MIS18BP1: variants seen among roughly 807,000 people sequenced by gnomAD.
The protein encoded by MIS18BP1 is mis18-binding protein 1.
In MIS18BP1, 72 loss-of-function variants were observed where a neutral mutation model predicts 116.1. That is an observed-to-expected ratio of 0.62 (90% CI 0.51 to 0.75). The LOEUF is 0.75. Among genes scored for constraint, MIS18BP1 ranks in the 30% least tolerant of loss-of-function variants. MIS18BP1 has a pLI of 0.00. For missense variants in MIS18BP1, 1,363 were observed against 1,303.2 expected (o/e 1.05, Z -0.71); for synonymous variants, 386 against 427.0 (o/e 0.90, Z 1.18).
At chr14:45,236,256 G>C (rs1366312012) in intron 5 of MIS18BP1, among the ~76,000 whole-genome samples, 1 of 152,186 alleles carries the variant, frequency 6.6e-6, no homozygotes, top group Non-Finnish European at 1.5e-5. Context: ...CTGATGCTAA[G>C]CTTCCAAAGA....
intron 15 of MIS18BP1, among the ~76,000 whole-genome samples, chr14:45,205,208 T>A (rs927703800): frequency 2.6e-5 from 4 of 152,158 alleles, no homozygotes; most frequent in African/African-American, 9.6e-5. Flanking sequence ...TTTTCTGAGA[T>A]GAGGTAAAAC....
intron 11 of MIS18BP1, among the ~76,000 whole-genome samples, chr14:45,221,391 C>A (rs1041397841): frequency 7.9e-5 from 12 of 152,022 alleles, no homozygotes; most frequent in Admixed American, 5.9e-4. Context: ...GAGCAGAGAT[C>A]GCGCCACTTC....
chr14:45,233,460 C>G (rs1891343219), intron 6 of MIS18BP1, among the ~76,000 whole-genome samples: 1 of 152,106 alleles, frequency 6.6e-6, no homozygotes, highest in African/African-American at 2.4e-5. Flanking sequence ...AGAGGAGCTA[C>G]AGGATCTAAT....
intron 15 of MIS18BP1, 44 bp downstream of exon 15, chr14:45,206,039 A>G (rs1295358968): frequency 7.9e-7 from 1 of 1,262,012 alleles, no homozygotes; most frequent in East Asian, 2.4e-5. Context: ...ATCACATATT[A>G]AAGTTGTTTC....
chr14:45,251,924 T>C (rs1384394751), intron 1 of MIS18BP1, among the ~76,000 whole-genome samples: 3 of 152,218 alleles, frequency 2.0e-5, no homozygotes, highest in African/African-American at 7.2e-5. Flanking sequence ...TGTTTTTTCC[T>C]ATAGAAACAT....
chr14:45,211,500 AC>A (rs1890672131), intron 13 of MIS18BP1, among the ~76,000 whole-genome samples: 1 of 151,576 alleles, frequency 6.6e-6, no homozygotes, highest in African/African-American at 2.4e-5. Context: ...CTCTTTAAAA[AC>A]TCCTATGTTC....
chr14:45,221,096 C>T (rs1207235549), intron 11 of MIS18BP1, among the ~76,000 whole-genome samples: 1 of 151,748 alleles, frequency 6.6e-6, no homozygotes, highest in Non-Finnish European at 1.5e-5. Context: ...GATCGTACCA[C>T]TGCACTCTAG....
intron 9 of MIS18BP1, among the ~76,000 whole-genome samples, chr14:45,227,191 T>TAA (rs1186974009): frequency 1.3e-5 from 2 of 152,060 alleles, no homozygotes; most frequent in African/African-American, 4.8e-5. Flanking sequence ...AGTCCCCAAG[T>TAA]AAATGAAAAG....
intron 11 of MIS18BP1, among the ~76,000 whole-genome samples, chr14:45,218,867 T>C (rs1348603333): frequency 1.5e-5 from 2 of 129,742 alleles, no homozygotes; most frequent in African/African-American, 5.0e-5. Flanking sequence ...AGTTCTCTTA[T>C]ACAGTCTAGG....
At chr14:45,221,493 GTCT>G (rs1241417195) in intron 11 of MIS18BP1, among the ~76,000 whole-genome samples, 2 of 151,918 alleles carry the variant, frequency 1.3e-5, no homozygotes, top group Admixed American at 6.6e-5. Flanking sequence ...TTTCCTTTAA[GTCT>G]TCTTCTTTGA....
At position 45,203,614 on chromosome 14, in the gene MIS18BP1, T is replaced by C. The variant is rs1890424321; in HGVS notation, c.*495A>G. On this transcript the variant is annotated 3_prime_UTR_variant, in exon 17 of 17. Coordinates refer to ENST00000310806, the MANE Select transcript of MIS18BP1 (RefSeq NM_018353.5). ...ACAATGTGTAATTTAATTTCAACAATGTGTAATTTAAACATTAGGTTTGGA... is the reference window on the plus strand; with the variant it reads ...ACAATGTGTAATTTAATTTCAACAACGTGTAATTTAAACATTAGGTTTGGA... The C allele has an allele frequency of 1.3e-5, 2 of 152,264 alleles. No homozygotes were observed. Among genetic ancestry groups the C allele is most frequent in the South Asian group, 2.1e-4 (1 of 4,830 alleles). The allele number at this position is 152,264 out of a possible 1,614,324, so 9.4% of individuals were successfully genotyped here.
At chr14:45,240,647 C>G (rs1426512366) in intron 4 of MIS18BP1, among the ~76,000 whole-genome samples, 1 of 151,664 alleles carries the variant, frequency 6.6e-6, no homozygotes, top group Non-Finnish European at 1.5e-5. Context: ...TGGAGTTGGA[C>G]AGGGGATAAA....
In MIS18BP1 at chr14:45,247,338, G is replaced by A. The variant is rs766868318; in HGVS notation, c.-52C>T. On this transcript the variant is annotated 5_prime_UTR_variant, in exon 2 of 17. Coordinates refer to ENST00000310806, the MANE Select transcript of MIS18BP1 (RefSeq NM_018353.5). ...CTTCTAACAGAAAATTCACTTAAGC[G>A]CAATTTTCAGATAGAACTTCAGAAG... 13 of 1,440,606 alleles carry A rather than the reference G, an allele frequency of 9.0e-6. No individual in the cohort carries two copies. The highest frequency in any genetic ancestry group is 2.9e-5 in the South Asian group (2 of 70,084). 89.2% of individuals were successfully genotyped at this position (1,440,606 alleles called of 1,614,324 possible).
In MIS18BP1 at chr14:45,227,678, A is replaced by G. The variant is rs1430167492; in HGVS notation, c.1731T>C (p.Asp577=). 2 of 1,613,238 alleles carry G rather than the reference A, an allele frequency of 1.2e-6. No homozygotes were observed. Among genetic ancestry groups the G allele is most frequent in the African/African-American group, 2.7e-5 (2 of 74,906 alleles). ...AAAGCCTTACCTGATTAGATAAGTC[A>G]TCTCCTCCTCCATTTTGAATAGTAT... The part of the protein sequence containing the change: ...VNNTIQNGGG[D]DLSNQELIGK... The change falls in exon 9 of 17, where the codon GAT becomes GAC. Residue 577 remains aspartate (D), a synonymous_variant. Transcript: ENST00000310806.
chr14:45,216,538 G>A (rs1437293579), intron 13 of MIS18BP1, among the ~76,000 whole-genome samples: 1 of 151,942 alleles, frequency 6.6e-6, no homozygotes, highest in Admixed American at 6.6e-5. Context: ...TGAATGAGTT[G>A]TTCATATCAC....
chr14:45,227,384 G>C (rs1304189188), intron 9 of MIS18BP1, among the ~76,000 whole-genome samples: 1 of 151,954 alleles, frequency 6.6e-6, no homozygotes, highest in Non-Finnish European at 1.5e-5. Context: ...GTGCATGCCT[G>C]TAGTCCCAGC....
At chr14:45,230,890 G>C (rs1400467185) in intron 8 of MIS18BP1, among the ~76,000 whole-genome samples, 1 of 152,096 alleles carries the variant, frequency 6.6e-6, no homozygotes, top group African/African-American at 2.4e-5. Context: ...CAAAGTGCTG[G>C]GATTACAGGC....
chr14:45,236,440 G>A (rs998742912), intron 5 of MIS18BP1, among the ~76,000 whole-genome samples: 4 of 151,978 alleles, frequency 2.6e-5, no homozygotes, highest in African/African-American at 9.7e-5. Context: ...AGAAATTACT[G>A]TATCAAATCA....
intron 2 of MIS18BP1, among the ~76,000 whole-genome samples, chr14:45,245,641 G>A (rs1202813620): frequency 6.6e-6 from 1 of 151,958 alleles, no homozygotes; most frequent in Non-Finnish European, 1.5e-5. Context: ...CGGGATTATG[G>A]GCATGAGCCA....
Sources: gnomAD v4.1 joint callset for allele counts (sites outside exome capture counted in the v4.1 genomes callset) on GRCh38, gnomAD v4.1.1 for gene constraint, MANE v1.5 for transcripts, NCBI Gene and HGNC (gene_info 2026-07-23, HGNC 2026-07-21) for gene names.